Variants in TTYH3 observed in about 807,000 individuals in gnomAD.
TTYH3 encodes the protein protein tweety homolog 3.
A neutral mutation model predicts 68.2 loss-of-function variants in TTYH3; 23 were observed. That is an observed-to-expected ratio of 0.34 (90% confidence interval 0.24 to 0.48). The LOEUF (loss-of-function observed/expected upper bound fraction) is 0.48, where lower values mean the gene tolerates loss of function less well. Among genes scored for constraint, TTYH3 ranks in the 20% least tolerant of loss-of-function variants. TTYH3 has a pLI of 0.99. For synonymous variants in TTYH3, 360 were observed against 332.8 expected, an observed-to-expected ratio of 1.08 and a Z score of -0.89; for missense variants, 768 against 727.7, an observed-to-expected ratio of 1.06 and a Z score of -0.64.
intron 13 of TTYH3, chr7:2,660,456 G>C (rs765979497): frequency 1.0e-6 from 1 of 985,318 alleles, no homozygotes; most frequent in Non-Finnish European, 1.2e-6. Context: ...GGACAGGCAC[G>C]TGCCGGCGAG....
Position 2,655,972 on chromosome 7 carries a change from G to T in TTYH3, c.1021-120G>T, listed in dbSNP as rs774242867. The T allele has an allele frequency of 4.0e-6, 3 of 757,716 alleles. No individual in the cohort carries two copies. The South Asian group carries it at 5.5e-5, about 14-fold the overall frequency. The allele number at this position is 757,716 out of a possible 1,614,324, so 46.9% of individuals were successfully genotyped here. A position where few individuals can be genotyped will look rare whatever the true frequency, so the allele number is the denominator to read the frequency against. ...CTGCACTGAGACCCCAGGGTGGGGG[G>T]TATCTCAGTCGAAGATTATGGGCTG... On this transcript the variant is annotated intron_variant, in intron 9 of 13. Coordinates refer to ENST00000258796, the MANE Select transcript of TTYH3 (RefSeq NM_025250.3).
At chr7:2,647,109 C>T (rs1277580655) in intron 2 of TTYH3, 33 bp from the exon 3 acceptor site, 1 of 1,360,122 alleles carries the variant, frequency 7.4e-7, no homozygotes, top group Non-Finnish European at 1.0e-6. Flanking sequence ...TGTGGGTGGG[C>T]GGGGCTACAT....
At chr7:2,647,885 C>T (rs761638780) in intron 4 of TTYH3, 74 bp from the exon 5 acceptor site, 7 of 1,552,920 alleles carry the variant, frequency 4.5e-6, no homozygotes, top group South Asian at 1.1e-5. Context: ...TCAGCTCCCC[C>T]TCAAGGGCCC....
chr7:2,634,175 C>T (rs1200226149), intron 1 of TTYH3, among the ~76,000 whole-genome samples: 5 of 152,258 alleles, frequency 3.3e-5, no homozygotes, highest in East Asian at 1.9e-4. Context: ...CCTCCACTCC[C>T]GGCTCTTGGC....
At chr7:2,638,454 G>C (rs1785739379) in intron 1 of TTYH3, among the ~76,000 whole-genome samples, 1 of 152,078 alleles carries the variant, frequency 6.6e-6, no homozygotes, top group Non-Finnish European at 1.5e-5. Context: ...GAGCGGCTCT[G>C]AGCCTCAGCC....
At chr7:2,634,187 A>C (rs1385978992) in intron 1 of TTYH3, among the ~76,000 whole-genome samples, 1 of 152,176 alleles carries the variant, frequency 6.6e-6, no homozygotes, top group Non-Finnish European at 1.5e-5. Context: ...GCTCTTGGCG[A>C]GGGGCTGTGG....
At chr7:2,646,432 C>T (rs1785982864) in intron 1 of TTYH3, among the ~76,000 whole-genome samples, 1 of 152,242 alleles carries the variant, frequency 6.6e-6, no homozygotes, top group African/African-American at 2.4e-5. Context: ...TTGTCACCCA[C>T]ATTCTCTGGC....
At chr7:2,633,270 T>C (rs949696133) in intron 1 of TTYH3, among the ~76,000 whole-genome samples, 1 of 152,132 alleles carries the variant, frequency 6.6e-6, no homozygotes, top group African/African-American at 2.4e-5. Context: ...GGGATGGCTT[T>C]GCTTATCAAA....
intron 1 of TTYH3, among the ~76,000 whole-genome samples, chr7:2,640,077 C>T (rs907479041): frequency 2.0e-5 from 3 of 152,228 alleles, no homozygotes; most frequent in Non-Finnish European, 4.4e-5. Context: ...CTCCAGGACA[C>T]GGGCCCTATG....
intron 1 of TTYH3, among the ~76,000 whole-genome samples, chr7:2,646,120 TC>T (rs1189418726): frequency 6.6e-6 from 1 of 152,026 alleles, no homozygotes; most frequent in Non-Finnish European, 1.5e-5. Flanking sequence ...GTTCAAGTGA[TC>T]CTCCTGCCTC....
rs1273948198 is a variant in TTYH3, at chr7:2,647,135, T to C, written c.294-7T>C. On this transcript the variant is annotated splice_polypyrimidine_tract_variant and splice_region_variant and intron_variant, in intron 2 of 13. Coordinates refer to ENST00000258796, the MANE Select transcript of TTYH3 (RefSeq NM_025250.3). ...GGGGCTACATCTCACGGGCCCGCCC[T>C]CTCCAGCGCCGGCATCGCAGTGGGA... 6.3e-7 allele frequency: 1 copy of C among 1,595,610 alleles called. No homozygotes were observed. The highest frequency in any genetic ancestry group is 1.1e-5 in the South Asian group (1 of 88,562).
At chr7:2,652,048 G>A (rs901360230) in intron 7 of TTYH3, 139 bp from the exon 8 acceptor site, 3 of 715,638 alleles carry the variant, frequency 4.2e-6, no homozygotes, top group African/African-American at 1.7e-5. Flanking sequence ...TGTGTAAACA[G>A]GTGCACACAG....
At chr7:2,653,502 G>T (rs1786247976) in intron 9 of TTYH3, among the ~76,000 whole-genome samples, 1 of 152,232 alleles carries the variant, frequency 6.6e-6, no homozygotes, top group East Asian at 1.9e-4. Flanking sequence ...GTGGAAATTT[G>T]AGAGGATTCT....
chr7:2,660,080 C>T (rs1786450837), intron 13 of TTYH3: 5 of 1,286,266 alleles, frequency 3.9e-6, no homozygotes, highest in Non-Finnish European at 4.1e-6. Flanking sequence ...CGGCCACCCG[C>T]CTGCGCCTCC....
chr7:2,642,932 G>A (rs550761226), intron 1 of TTYH3, among the ~76,000 whole-genome samples: 2 of 150,674 alleles, frequency 1.3e-5, no homozygotes, highest in African/African-American at 2.4e-5. Context: ...CATTGGTGGC[G>A]GGTACCTGTA....
chr7:2,632,005 AGCCGGGCCGAGCCGG>A lies in TTYH3; in HGVS notation c.-141_-127del, dbSNP rs1785530969. The A allele has an allele frequency of 9.2e-6, 5 of 541,418 alleles. No individual in the cohort carries two copies. In the South Asian group the frequency reaches 2.3e-4, roughly 25 times the overall value. 33.5% of individuals were successfully genotyped at this position (541,418 alleles called of 1,614,324 possible). ...GGCCGAGCGGAGCCGAGCGCAGCCG[AGCCGGGCCGAGCCGG>A]GCCGGGCCGGGCCCAGGAGCGCGCG... On this transcript the variant is annotated 5_prime_UTR_variant, in exon 1 of 14. Transcript: ENST00000258796.
At chr7:2,658,618 G>T (rs150634972) in intron 12 of TTYH3, among the ~76,000 whole-genome samples, 159 bp downstream of exon 12, 38 of 152,362 alleles carry the variant, frequency 2.5e-4, no homozygotes, top group Non-Finnish European at 4.3e-4. Flanking sequence ...GGTGAACACG[G>T]TCCAGGGGCC....
At chr7:2,661,255 G>A (rs1338504195) in intron 13 of TTYH3, among the ~76,000 whole-genome samples, 1 of 152,222 alleles carries the variant, frequency 6.6e-6, no homozygotes, top group Non-Finnish European at 1.5e-5. Flanking sequence ...CCCGGCCCTG[G>A]AGGGTGGCTG....
intron 5 of TTYH3, 168 bp downstream of exon 5, chr7:2,648,222 C>G (rs1365471429): frequency 1.6e-6 from 1 of 627,982 alleles, no homozygotes; most frequent in Admixed American, 3.0e-5. Flanking sequence ...CCCTTCTGTG[C>G]CTGTGGCCTG....
Sources: gnomAD v4.1 joint callset for allele counts (sites outside exome capture counted in the v4.1 genomes callset) on GRCh38, gnomAD v4.1.1 for gene constraint, MANE v1.5 for transcripts, NCBI Gene and HGNC (gene_info 2026-07-23, HGNC 2026-07-21) for gene names.